The following LUZP2 variants were observed in gnomAD, a reference collection of about 807,000 sequenced individuals.
LUZP2 encodes leucine zipper protein 2.
Under a neutral mutation model 51.6 loss-of-function variants are expected in LUZP2, and 52 were observed. That is an observed-to-expected ratio of 1.01 (90% CI 0.81 to 1.27). The LOEUF (loss-of-function observed/expected upper bound fraction) is 1.27, where lower values mean the gene tolerates loss of function less well. Ranked by LOEUF, LUZP2 falls within the 50% of genes most tolerant of loss-of-function variation. The probability of loss-of-function intolerance (pLI) is 0.00; values close to 1 mark genes in which losing one functional copy is unlikely to be tolerated. For synonymous variants in LUZP2, 154 were observed against 137.3 expected (o/e 1.12, Z -0.85); for missense variants, 436 against 395.4 (o/e 1.10, Z -0.87).
intron 1 of LUZP2, among the ~76,000 whole-genome samples, chr11:24,650,961 A>G (rs1328177048): frequency 6.6e-6 from 1 of 152,098 alleles, no homozygotes; most frequent in Non-Finnish European, 1.5e-5. Context: ...TTCCCAGCAC[A>G]GTTTCTACAG....
intron 1 of LUZP2, among the ~76,000 whole-genome samples, chr11:24,600,852 A>G (rs1347133124): frequency 2.6e-5 from 4 of 152,146 alleles, no homozygotes; most frequent in Non-Finnish European, 5.9e-5. Context: ...ATAAAAAACA[A>G]AAACAAAAAG....
At chr11:24,851,681 A>AG (rs2134223803) in intron 5 of LUZP2, among the ~76,000 whole-genome samples, 1 of 152,252 alleles carries the variant, frequency 6.6e-6, no homozygotes, top group East Asian at 1.9e-4. Context: ...GAATAGTTTC[A>AG]GAAAAAAATG....
At chr11:24,973,364 G>GTTGT (rs60764867) in intron 7 of LUZP2, among the ~76,000 whole-genome samples, 48,261 of 102,912 alleles carry the variant, frequency 0.47, 11,841 homozygotes, top group Middle Eastern at 0.57. Flanking sequence ...ATATTTATTA[G>GTTGT]TTTTTTTTTT....
At chr11:24,747,513 G>A (rs1859425047) in intron 4 of LUZP2, among the ~76,000 whole-genome samples, 2 of 152,108 alleles carry the variant, frequency 1.3e-5, no homozygotes, top group Non-Finnish European at 2.9e-5. Flanking sequence ...TTCTATTTTT[G>A]TACTGGTTGG....
At chr11:25,035,193 G>A (rs7941352) in intron 9 of LUZP2, among the ~76,000 whole-genome samples, 2,566 of 151,988 alleles carry the variant, frequency 0.017, 74 homozygotes, top group African/African-American at 0.058. Flanking sequence ...CAGAGCAATC[G>A]GGCAAGAGGA....
intron 10 of LUZP2, among the ~76,000 whole-genome samples, chr11:25,069,231 C>T (rs565466021): frequency 9.2e-5 from 14 of 151,818 alleles, no homozygotes; most frequent in Admixed American, 4.6e-4. Context: ...AATCTTTGAA[C>T]GATCCCAAAT....
At chr11:24,944,662 A>T (rs1170683016) in intron 7 of LUZP2, among the ~76,000 whole-genome samples, 1 of 152,188 alleles carries the variant, frequency 6.6e-6, no homozygotes, top group Non-Finnish European at 1.5e-5. Context: ...GTAGCAATGC[A>T]GTTGCAAGGA....
chr11:24,524,275 G>A (rs1850727908), intron 1 of LUZP2, among the ~76,000 whole-genome samples: 1 of 151,620 alleles, frequency 6.6e-6, no homozygotes, highest in Non-Finnish European at 1.5e-5. Context: ...CTAGTCTCTT[G>A]CACTGGTCAT....
At position 24,742,057 on chromosome 11, in the gene LUZP2, T is replaced by TTTTATATATATATA. The variant is rs571183533; in HGVS notation, c.333+3756_333+3757insTTATATATATATAT. On this transcript the variant is annotated intron_variant, in intron 4 of 11. Transcript: ENST00000336930. ...TATAAATACATAAAAATAAATATAATTATATATATATATATATATCACCAT... is the reference window on the plus strand; with the variant it reads ...TATAAATACATAAAAATAAATATAATTTTATATATATATATATATATATATATATATATCACCAT... Among the ~76,000 whole-genome samples the TTTTATATATATATA allele has an allele frequency of 6.7e-4, 78 of 116,298 alleles. 3 individuals are homozygous for TTTTATATATATATA. The highest frequency in any genetic ancestry group is 4.0e-3 in the South Asian group (17 of 4,220). The allele number at this position is 116,298 out of a possible 152,430, so 76.3% of individuals were successfully genotyped here.
At chr11:24,819,744 A>G (rs2134154868) in intron 5 of LUZP2, among the ~76,000 whole-genome samples, 1 of 149,494 alleles carries the variant, frequency 6.7e-6, no homozygotes, top group East Asian at 1.9e-4. Context: ...TTTTTTTCTC[A>G]CAATAACTTA....
intron 10 of LUZP2, among the ~76,000 whole-genome samples, chr11:25,066,617 TG>T (rs377543588): frequency 6.6e-6 from 1 of 151,874 alleles, no homozygotes; most frequent in South Asian, 2.1e-4. Flanking sequence ...CATATTTGTG[TG>T]GGGGAGATAT....
chr11:24,619,658 T>G (rs1477356880), intron 1 of LUZP2, among the ~76,000 whole-genome samples: 1 of 152,184 alleles, frequency 6.6e-6, no homozygotes, highest in Non-Finnish European at 1.5e-5. Context: ...GAAACCAATA[T>G]CAGAGGATGC....
intron 4 of LUZP2, among the ~76,000 whole-genome samples, chr11:24,761,451 A>G (rs1042472337): frequency 1.3e-5 from 2 of 152,272 alleles, no homozygotes; most frequent in East Asian, 3.9e-4. Flanking sequence ...ACATTTCAAC[A>G]TGAGATTAGG....
intron 1 of LUZP2, among the ~76,000 whole-genome samples, chr11:24,698,877 G>A (rs1857331961): frequency 6.6e-6 from 1 of 151,952 alleles, no homozygotes; most frequent in South Asian, 2.1e-4. Flanking sequence ...GCAACAACTG[G>A]AGACCCAGTC....
chr11:24,574,643 G>C (rs1172828459), intron 1 of LUZP2, among the ~76,000 whole-genome samples: 3 of 152,002 alleles, frequency 2.0e-5, no homozygotes, highest in Non-Finnish European at 4.4e-5. Context: ...TTGAGCACTG[G>C]GGTGAGTAAG....
intron 5 of LUZP2, among the ~76,000 whole-genome samples, chr11:24,769,937 C>T (rs1860347059): frequency 6.6e-6 from 1 of 152,024 alleles, no homozygotes; most frequent in Admixed American, 6.5e-5. Flanking sequence ...GGACTATAGA[C>T]ATGCACCAGC....
intron 5 of LUZP2, among the ~76,000 whole-genome samples, chr11:24,856,489 A>C (rs958686337): frequency 6.6e-6 from 1 of 152,088 alleles, no homozygotes; most frequent in African/African-American, 2.4e-5. Context: ...TGAGAATGTA[A>C]ATTAGTATAC....
chr11:24,518,187 G>A (rs1054495686), intron 1 of LUZP2, among the ~76,000 whole-genome samples: 34 of 152,178 alleles, frequency 2.2e-4, no homozygotes, highest in African/African-American at 8.2e-4. Flanking sequence ...AATTAAGTTA[G>A]ATAATTTATA....
intron 5 of LUZP2, among the ~76,000 whole-genome samples, chr11:24,806,934 A>T (rs778405491): frequency 1.3e-4 from 20 of 151,382 alleles, no homozygotes; most frequent in South Asian, 6.3e-4. Context: ...AAATTAGAAA[A>T]TGAAGTAGAA....
Sources: gnomAD v4.1 joint callset for allele counts (sites outside exome capture counted in the v4.1 genomes callset) on GRCh38, gnomAD v4.1.1 for gene constraint, MANE v1.5 for transcripts, NCBI Gene and HGNC (gene_info 2026-07-23, HGNC 2026-07-21) for gene names.